The following IL2RA variants were observed in gnomAD, a reference collection of about 807,000 sequenced individuals.
IL2RA encodes the protein interleukin 2 receptor subunit alpha.
IL2RA carries 24 observed loss-of-function variants against 37.8 expected under a neutral mutation model. The observed-to-expected ratio is 0.63, with a 90% CI of 0.46 to 0.89. The LOEUF is 0.89. IL2RA is among the 40% of genes least tolerant of loss of function. The pLI is 0.00. For synonymous variants in IL2RA, 125 were observed against 114.6 expected (o/e 1.09, Z -0.58); for missense variants, 319 against 348.6 (o/e 0.92, Z 0.68).
At chr10:6,049,219 A>G (rs573814711) in intron 1 of IL2RA, among the ~76,000 whole-genome samples, 1 of 152,326 alleles carries the variant, frequency 6.6e-6, no homozygotes, top group South Asian at 2.1e-4. Flanking sequence ...AAGCTGGAGA[A>G]CCAGGAGTGC....
rs781643451 is a variant in IL2RA, at chr10:6,015,455, G to A, written c.795-2559C>T. ...AGAGTCTGCTCCCTGGAACGGCAGC[G>A]TCAGTATCACCTGGGAACCTGATAG... is the stretch of plus-strand genomic sequence containing the variant. On this transcript the variant is annotated intron_variant, in intron 7 of 7. Transcript: ENST00000379959. The surrounding 1 kb of genome is among the most constrained non-coding windows in gnomAD (Gnocchi z 4.9). 1.1e-4 allele frequency among the ~76,000 whole-genome samples: 16 copies of A among 152,260 alleles called. No homozygotes were observed. Among genetic ancestry groups the A allele is most frequent in the South Asian group, 4.1e-4 (2 of 4,828 alleles).
Position 6,012,430 on chromosome 10 carries a change from A to C in IL2RA, c.*442T>G. On this transcript the variant is annotated 3_prime_UTR_variant, in exon 8 of 8. Transcript: ENST00000379959. The surrounding 1 kb of genome is among the most constrained non-coding windows in gnomAD (Gnocchi z 4.8). ...GACAATGTCCAGTTGTATAGGGTAG[A>C]GTGTGTGTGTTGTGTATTTACGTTA... The C allele has an allele frequency of 8.8e-6, 2 of 227,748 alleles. No homozygotes were observed. Among genetic ancestry groups the C allele is most frequent in the Non-Finnish European group, 1.8e-5 (2 of 113,306 alleles). 14.1% of individuals were successfully genotyped at this position (227,748 alleles called of 1,614,324 possible).
chr10:6,048,504 T>C lies in IL2RA; in HGVS notation c.64+13584A>G, dbSNP rs1304973995. ...GACTAGAAGCCCAGCAAGTCACATT[T>C]AGTGAGCACCTACTGTGTGCTCTGG... On this transcript the variant is annotated intron_variant, in intron 1 of 7. Transcript: ENST00000379959. This position sits in a 1 kb window ranked among gnomAD's most constrained non-coding sequence, Gnocchi z 5.3. Among the ~76,000 whole-genome samples, 1 of 152,208 alleles carries C rather than the reference T, an allele frequency of 6.6e-6. No individual in the cohort carries two copies. Among genetic ancestry groups the C allele is most frequent in the Non-Finnish European group, 1.5e-5 (1 of 68,032 alleles).
chr10:6,045,189 C>G (rs931997712), intron 1 of IL2RA, among the ~76,000 whole-genome samples: 2 of 152,190 alleles, frequency 1.3e-5, no homozygotes, highest in African/African-American at 4.8e-5. Context: ...ATCTGACCCA[C>G]AGTTTCTGAG....
intron 7 of IL2RA, among the ~76,000 whole-genome samples, chr10:6,016,635 C>T (rs939995356): frequency 5.9e-5 from 9 of 151,764 alleles, no homozygotes; most frequent in African/African-American, 1.5e-4. Context: ...TGTAGTGGCG[C>T]GATCTTGGCT....
intron 1 of IL2RA, among the ~76,000 whole-genome samples, chr10:6,039,220 G>C (rs1422086047): frequency 6.6e-6 from 1 of 152,186 alleles, no homozygotes; most frequent in Non-Finnish European, 1.5e-5. Flanking sequence ...TATTGCTAAA[G>C]ATTCAATTCA....
intron 1 of IL2RA, among the ~76,000 whole-genome samples, chr10:6,040,285 C>T (rs149483891): frequency 2.8e-4 from 42 of 152,202 alleles, no homozygotes; most frequent in South Asian, 1.2e-3. Context: ...TGTGTCACAA[C>T]GAGGAAATAG....
intron 5 of IL2RA, 41 bp from the exon 6 acceptor site, chr10:6,019,540 A>G: frequency 2.8e-6 from 4 of 1,442,906 alleles, no homozygotes; most frequent in Non-Finnish European, 3.9e-6. Context: ...TGCTACCGTG[A>G]CTTTAGGACA....
Position 6,012,810 on chromosome 10 carries a change from C to T in IL2RA, c.*62G>A. The T allele has an allele frequency of 6.5e-7, 1 of 1,542,036 alleles. No homozygotes were observed. The highest frequency in any genetic ancestry group is 9.0e-7 in the Non-Finnish European group (1 of 1,114,246). On this transcript the variant is annotated 3_prime_UTR_variant, in exon 8 of 8. Transcript: ENST00000379959. This position sits in a 1 kb window ranked among gnomAD's most constrained non-coding sequence, Gnocchi z 4.8. ...TTTAGCACCTTTGATTTCACTTGGG[C>T]TTCATGACTTCTGTTGTCTGTTCCC...
rs1283386196 is a variant in IL2RA at position 6,029,939 on chromosome 10, A to G, written c.65-3914T>C. Among the ~76,000 whole-genome samples, 1 of 152,214 alleles carries G rather than the reference A, an allele frequency of 6.6e-6. No homozygotes were observed. The highest frequency in any genetic ancestry group is 1.9e-4 in the East Asian group (1 of 5,200). On this transcript the variant is annotated intron_variant, in intron 1 of 7. Transcript: ENST00000379959. This position sits in a 1 kb window ranked among gnomAD's most constrained non-coding sequence, Gnocchi z 4.6. ...AGGCTGGTCTCGAATTCCTGACCTCAGATGATCCACCTGCCTTGGCCTCCC... is the reference window on the plus strand; with the variant it reads ...AGGCTGGTCTCGAATTCCTGACCTCGGATGATCCACCTGCCTTGGCCTCCC...
intron 1 of IL2RA, among the ~76,000 whole-genome samples, chr10:6,041,935 G>A (rs1326122981): frequency 6.6e-6 from 1 of 151,638 alleles, no homozygotes; most frequent in Non-Finnish European, 1.5e-5. Context: ...CCAGATATAA[G>A]AAAGCTCCAT....
intron 1 of IL2RA, among the ~76,000 whole-genome samples, chr10:6,034,397 C>T (rs374573155): frequency 7.9e-5 from 12 of 151,878 alleles, no homozygotes; most frequent in African/African-American, 2.9e-4. Flanking sequence ...TGGAAAGGTA[C>T]GCTGGAGGGT....
chr10:6,032,468 A>ATG (rs1839612294), intron 1 of IL2RA, among the ~76,000 whole-genome samples: 2 of 151,900 alleles, frequency 1.3e-5, no homozygotes, highest in Non-Finnish European at 2.9e-5. Flanking sequence ...CGGGGCGGGC[A>ATG]GATCACAAGG....
In IL2RA at chr10:6,054,583, G is replaced by C. The variant is rs139998944; in HGVS notation, c.64+7505C>G. Among the ~76,000 whole-genome samples, 1 of 152,214 alleles carries C rather than the reference G, an allele frequency of 6.6e-6. No individual in the cohort carries two copies. The highest frequency in any genetic ancestry group is 1.5e-5 in the Non-Finnish European group (1 of 68,014). On this transcript the variant is annotated intron_variant, in intron 1 of 7. Transcript: ENST00000379959. The surrounding 1 kb of genome is among the most constrained non-coding windows in gnomAD (Gnocchi z 4.5). The stretch of plus-strand genomic sequence containing the variant: ...TTGAAATATGGCTCATTATGTAGTT[G>C]TCCTGGCAAACCCCTCATCTCTCTA...
chr10:6,052,934 C>A (rs528832708), intron 1 of IL2RA, among the ~76,000 whole-genome samples: 24 of 152,256 alleles, frequency 1.6e-4, no homozygotes, highest in South Asian at 2.1e-4. Context: ...CAGGGAACAG[C>A]AGGACCCGGA....
rs1026136691 is a variant in IL2RA, at chr10:6,015,858, C to T, written c.794+2195G>A. Among the ~76,000 whole-genome samples, 5 of 152,086 alleles carry T rather than the reference C, an allele frequency of 3.3e-5. No individual in the cohort carries two copies. Among genetic ancestry groups the T allele is most frequent in the African/African-American group, 1.2e-4 (5 of 41,374 alleles). Reference sequence around the variant, plus strand: ...CGACTATCCCAGACATAAAAGGCCACGTGATTCCATTTACACGAAATGTCC... The same window carrying T: ...CGACTATCCCAGACATAAAAGGCCATGTGATTCCATTTACACGAAATGTCC... On this transcript the variant is annotated intron_variant, in intron 7 of 7. Coordinates refer to ENST00000379959, the MANE Select transcript of IL2RA (RefSeq NM_000417.3). This position sits in a 1 kb window ranked among gnomAD's most constrained non-coding sequence, Gnocchi z 4.9.
chr10:6,052,836 CT>C (rs1839986770), intron 1 of IL2RA, among the ~76,000 whole-genome samples: 1 of 152,138 alleles, frequency 6.6e-6, no homozygotes. Context: ...TCAGAATTTC[CT>C]CTGTTTTGTG....
In IL2RA at chr10:6,015,927, C is replaced by T. The variant is rs1269037427; in HGVS notation, c.794+2126G>A. On this transcript the variant is annotated intron_variant, in intron 7 of 7. Coordinates refer to ENST00000379959, the MANE Select transcript of IL2RA (RefSeq NM_000417.3). This position sits in a 1 kb window ranked among gnomAD's most constrained non-coding sequence, Gnocchi z 4.9. ...GAGACGGAACATAGAGTGGTGGTTT[C>T]CCGGGGCTGGGGAGAATGGGGAACT... is the stretch of plus-strand genomic sequence containing the variant. 6.6e-6 allele frequency among the ~76,000 whole-genome samples: 1 copy of T among 152,118 alleles called. No homozygotes were observed. The highest frequency in any genetic ancestry group is 1.5e-5 in the Non-Finnish European group (1 of 68,012).
intron 1 of IL2RA, among the ~76,000 whole-genome samples, chr10:6,039,137 A>G (rs190035562): frequency 2.0e-5 from 3 of 152,364 alleles, no homozygotes; most frequent in East Asian, 3.9e-4. Context: ...AGAATGGACA[A>G]TTGAATCCAA....
Sources: gnomAD v4.1 joint callset for allele counts (sites outside exome capture counted in the v4.1 genomes callset) on GRCh38, gnomAD v4.1.1 for gene constraint, Gnocchi (gnomAD v3.1) non-coding constraint, MANE v1.5 for transcripts, NCBI Gene and HGNC (gene_info 2026-07-23, HGNC 2026-07-21) for gene names.